RGS6: variants seen among roughly 807,000 people sequenced by gnomAD.
The protein encoded by RGS6 is regulator of G protein signaling 6.
In RGS6, 30 loss-of-function variants were observed where a neutral mutation model predicts 78.5. The observed-to-expected ratio is 0.38, with a 90% CI of 0.29 to 0.52. The LOEUF is 0.52. RGS6 is among the 20% of genes least tolerant of loss of function. The pLI is 0.85. For synonymous variants in RGS6, 206 were observed against 206.0 expected, an observed-to-expected ratio of 1.00 and a Z score of 0.00; for missense variants, 495 against 609.7, an observed-to-expected ratio of 0.81 and a Z score of 1.98.
intron 2 of RGS6, among the ~76,000 whole-genome samples, chr14:72,151,843 C>T (rs1374946753): frequency 6.6e-6 from 1 of 152,208 alleles, no homozygotes; most frequent in East Asian, 1.9e-4. Flanking sequence ...GGTTCTGATT[C>T]ATTTAATCTG....
intron 3 of RGS6, among the ~76,000 whole-genome samples, chr14:72,424,734 A>G (rs1036818361): frequency 6.6e-6 from 1 of 152,206 alleles, no homozygotes; most frequent in Non-Finnish European, 1.5e-5. Context: ...TTTTCTGGAC[A>G]TCATCTTGTT....
At chr14:72,513,102 C>T (rs898004350) in intron 14 of RGS6, among the ~76,000 whole-genome samples, 6 of 152,216 alleles carry the variant, frequency 3.9e-5, no homozygotes, top group Non-Finnish European at 8.8e-5. Flanking sequence ...GACCAGAACT[C>T]ACCTGGGTAA....
intron 2 of RGS6, among the ~76,000 whole-genome samples, chr14:72,098,798 C>T (rs2095467002): frequency 1.3e-5 from 2 of 152,192 alleles, no homozygotes; most frequent in South Asian, 4.1e-4. Context: ...TCTCCTCTTT[C>T]ATTTGTGTCA....
At chr14:72,608,899 C>CCT in the RGS6 span, among the ~76,000 whole-genome samples, 208 of 152,254 alleles carry the variant, frequency 1.4e-3, 3 homozygotes, top group South Asian at 0.021. Context: ...TCTCTCTCTC[C>CCT]CTCTCTCTCT....
At chr14:72,467,050 G>T (rs147626762) in intron 7 of RGS6, among the ~76,000 whole-genome samples, 7 of 152,048 alleles carry the variant, frequency 4.6e-5, no homozygotes, top group South Asian at 2.1e-4. Flanking sequence ...AAAATTAGAG[G>T]CCCCACCACC....
chr14:72,240,891 G>A (rs2052603607), intron 2 of RGS6, among the ~76,000 whole-genome samples: 2 of 152,114 alleles, frequency 1.3e-5, no homozygotes, highest in Non-Finnish European at 2.9e-5. Flanking sequence ...AGGCGCGGTG[G>A]CTCACCCCTG....
chr14:72,106,156 A>T (rs1305409773), intron 2 of RGS6, among the ~76,000 whole-genome samples: 2 of 152,236 alleles, frequency 1.3e-5, no homozygotes, highest in East Asian at 3.8e-4. Context: ...CATGATATTG[A>T]TAAGAACTTT....
chr14:71,867,794 G>A, the RGS6 span, among the ~76,000 whole-genome samples: 27 of 152,222 alleles, frequency 1.8e-4, no homozygotes, highest in South Asian at 2.7e-3. Context: ...CCAGGATTAT[G>A]GGCCTTTTTG....
intron 14 of RGS6, among the ~76,000 whole-genome samples, chr14:72,512,145 G>A (rs1278480719): frequency 6.6e-6 from 1 of 152,076 alleles, no homozygotes; most frequent in Admixed American, 6.5e-5. Flanking sequence ...CTCCAAGATG[G>A]AGCGGTATAG....
intron 2 of RGS6, among the ~76,000 whole-genome samples, chr14:72,330,145 A>T (rs916244801): frequency 6.6e-6 from 1 of 152,182 alleles, no homozygotes; most frequent in Non-Finnish European, 1.5e-5. Context: ...TACCATTGGG[A>T]TCCCAACCCA....
chr14:72,235,002 G>A (rs1457047253), intron 2 of RGS6, among the ~76,000 whole-genome samples: 3 of 152,112 alleles, frequency 2.0e-5, no homozygotes, highest in African/African-American at 4.8e-5. Flanking sequence ...TTACAATTGA[G>A]TCAACTAGAT....
chr14:71,963,857 T>C (rs924413975), intron 1 of RGS6, among the ~76,000 whole-genome samples: 2 of 152,186 alleles, frequency 1.3e-5, no homozygotes, highest in Admixed American at 1.3e-4. Flanking sequence ...TTGTTTTCAG[T>C]TAGTTTGTGT....
chr14:72,176,800 C>T (rs1455823814), intron 2 of RGS6, among the ~76,000 whole-genome samples: 1 of 152,168 alleles, frequency 6.6e-6, no homozygotes, highest in Non-Finnish European at 1.5e-5. Context: ...TGAGCTTTTA[C>T]ACATACGCAC....
intron 2 of RGS6, among the ~76,000 whole-genome samples, chr14:72,229,974 C>T (rs1233869677): frequency 1.3e-5 from 2 of 152,190 alleles, no homozygotes; most frequent in Non-Finnish European, 2.9e-5. Flanking sequence ...CTGTGCCAAT[C>T]CTGTGGGCCA....
chr14:72,033,855 C>T (rs1295885215), intron 2 of RGS6, among the ~76,000 whole-genome samples: 1 of 152,096 alleles, frequency 6.6e-6, no homozygotes, highest in Non-Finnish European at 1.5e-5. Context: ...TATATTCTCC[C>T]CAGCAGTGTA....
chr14:72,242,602 G>T (rs531352066), intron 2 of RGS6, among the ~76,000 whole-genome samples: 1 of 152,104 alleles, frequency 6.6e-6, no homozygotes, highest in South Asian at 2.1e-4. Flanking sequence ...TTTTTGACAG[G>T]TAAATTACCA....
chr14:72,476,683 C>G (rs1046041182), intron 10 of RGS6, 59 bp from the exon 11 acceptor site: 1 of 1,452,668 alleles, frequency 6.9e-7, no homozygotes, highest in African/African-American at 1.4e-5. Flanking sequence ...CTAGCTGACC[C>G]CTAAGCCACC....
intron 2 of RGS6, among the ~76,000 whole-genome samples, chr14:72,256,613 T>A (rs1282860820): frequency 6.6e-6 from 1 of 152,150 alleles, no homozygotes; most frequent in Non-Finnish European, 1.5e-5. Flanking sequence ...TGGTTTTCAG[T>A]CCCTAAACAA....
At chr14:72,152,243 AGAGTGTGT>A (rs1271963581) in intron 2 of RGS6, among the ~76,000 whole-genome samples, 12 of 125,256 alleles carry the variant, frequency 9.6e-5, no homozygotes, top group East Asian at 2.1e-4. Flanking sequence ...AGAGAGAGAG[AGAGTGTGT>A]GTGTGTGTGT....
Sources: gnomAD v4.1 joint callset for allele counts (sites outside exome capture counted in the v4.1 genomes callset) on GRCh38, gnomAD v4.1.1 for gene constraint, MANE v1.5 for transcripts, NCBI Gene and HGNC (gene_info 2026-07-23, HGNC 2026-07-21) for gene names.